The following HAUS3 variants were observed in gnomAD, a reference collection of about 807,000 sequenced individuals.
The protein encoded by HAUS3 is HAUS augmin like complex subunit 3.
A neutral mutation model predicts 55.2 loss-of-function variants in HAUS3; 36 were observed. The ratio of observed to expected loss-of-function variants is 0.65; its 90% CI spans 0.50 to 0.86. HAUS3 has a LOEUF of 0.86. Among genes scored for constraint, HAUS3 ranks in the 40% least tolerant of loss-of-function variants. The pLI, the probability that HAUS3 is intolerant of heterozygous loss-of-function variation, is 0.00. For synonymous variants in HAUS3, 234 were observed against 238.6 expected, an observed-to-expected ratio of 0.98 and a Z score of 0.18; for missense variants, 752 against 671.5, an observed-to-expected ratio of 1.12 and a Z score of -1.33.
In HAUS3 at chr4:2,231,871, C is replaced by T; in HGVS notation, c.*56G>A. 1 of 760,266 alleles carries T rather than the reference C, an allele frequency of 1.3e-6. No individual in the cohort carries two copies. Among genetic ancestry groups the T allele is most frequent in the Non-Finnish European group, 2.2e-6 (1 of 455,954 alleles). The allele number at this position is 760,266 out of a possible 1,614,324, so 47.1% of individuals were successfully genotyped here. A position where few individuals can be genotyped will look rare whatever the true frequency, so the allele number is the denominator to read the frequency against. On this transcript the variant is annotated 3_prime_UTR_variant, in exon 6 of 6. Transcript: ENST00000443786. ...AAAATTTAGTAGTGTTTATTATACA[C>T]AGTCTTCTAATAAATAAAAGAGGAC...
rs886606702 is a variant in HAUS3 at position 2,231,892 on chromosome 4, A to C, written c.*35T>G. 1 of 891,920 alleles carries C rather than the reference A, an allele frequency of 1.1e-6. No individual in the cohort carries two copies. The highest frequency in any genetic ancestry group is 1.8e-6 in the Non-Finnish European group (1 of 563,988). The allele number at this position is 891,920 out of a possible 1,614,324, so 55.3% of individuals were successfully genotyped here. On this transcript the variant is annotated 3_prime_UTR_variant, in exon 6 of 6. Coordinates refer to ENST00000443786, the MANE Select transcript of HAUS3 (RefSeq NM_001303143.2). ...TACACAGTCTTCTAATAAATAAAAG[A>C]GGACACGTAATAAAGATTCAGTTTT...
chr4:2,233,637 C>T (rs1033268122), intron 5 of HAUS3, among the ~76,000 whole-genome samples: 1 of 152,132 alleles, frequency 6.6e-6, no homozygotes, highest in Non-Finnish European at 1.5e-5. Context: ...TAGAACTACC[C>T]TAACCATTTA....
chr4:2,237,903 T>A (rs939961369), intron 4 of HAUS3, among the ~76,000 whole-genome samples: 1 of 152,162 alleles, frequency 6.6e-6, no homozygotes, highest in Non-Finnish European at 1.5e-5. Flanking sequence ...GTCTTATAGA[T>A]GTAACTACAC....
chr4:2,240,498 T>C lies in HAUS3; in HGVS notation c.449A>G (p.Gln150Arg). The change falls in exon 3 of 6, where the codon CAG (glutamine) becomes CGG (arginine). Residue 150 changes from glutamine to arginine, a missense_variant. By Grantham distance (43) the Gln-to-Arg change is conservative. Transcript: ENST00000443786. ...KEEEATKKLK[Q>R]SQGILNAMIT... ...CATTGCATTTAGAATTCCTTGACTC[T>C]GCTTCAGCTTTTTAGTGGCTTCTTC... 1 of 1,613,938 alleles carries C rather than the reference T, an allele frequency of 6.2e-7. No homozygotes were observed. Among genetic ancestry groups the C allele is most frequent in the Non-Finnish European group, 8.5e-7 (1 of 1,179,982 alleles).
chr4:2,239,280 A>C (rs541808907), intron 3 of HAUS3, among the ~76,000 whole-genome samples: 1 of 152,314 alleles, frequency 6.6e-6, no homozygotes, highest in African/African-American at 2.4e-5. Flanking sequence ...CGGCTACCAA[A>C]ATAGAGATCT....
At chr4:2,234,068 A>C (rs1028440887) in intron 5 of HAUS3, among the ~76,000 whole-genome samples, 2 of 152,250 alleles carry the variant, frequency 1.3e-5, no homozygotes, top group Non-Finnish European at 1.5e-5. Flanking sequence ...AAAAAAAAGA[A>C]GACTATCAAA....
At chr4:2,239,625 G>C (rs933843270) in intron 3 of HAUS3, among the ~76,000 whole-genome samples, 2 of 152,158 alleles carry the variant, frequency 1.3e-5, no homozygotes, top group Admixed American at 1.3e-4. Context: ...ATCAGTTTCA[G>C]TCTACTGAAC....
chr4:2,234,699 A>G (rs1734696493), intron 5 of HAUS3, among the ~76,000 whole-genome samples: 1 of 152,244 alleles, frequency 6.6e-6, no homozygotes, highest in African/African-American at 2.4e-5. Context: ...AGGAATATTA[A>G]TATTAGACAA....
rs908376039 is a variant in HAUS3 at position 2,239,996 on chromosome 4, C to G, written c.909+42G>C. 4 of 1,475,620 alleles carry G rather than the reference C, an allele frequency of 2.7e-6. No individual in the cohort carries two copies. The African/African-American group carries it at 5.6e-5, about 21-fold the overall frequency. 91.4% of individuals were successfully genotyped at this position (1,475,620 alleles called of 1,614,324 possible). On this transcript the variant is annotated intron_variant, in intron 3 of 5. Transcript: ENST00000443786. ...GCAATATTATCTCCTCTATTCCTAA[C>G]AATAATTACAATGTGAATCCAATCT...
Position 2,230,185 on chromosome 4 carries a change from C to T in HAUS3, c.*1742G>A, listed in dbSNP as rs1734531600. The T allele has an allele frequency of 6.6e-6, 1 of 152,376 alleles. No individual in the cohort carries two copies. The highest frequency in any genetic ancestry group is 1.5e-5 in the Non-Finnish European group (1 of 68,196). The allele number at this position is 152,376 out of a possible 1,614,324, so 9.4% of individuals were successfully genotyped here. ...TGGTGCACGCCTACAATCCCATCTA[C>T]TCAGGAGGCTGAAGCAGGAGAATCA... On this transcript the variant is annotated 3_prime_UTR_variant, in exon 6 of 6. Transcript: ENST00000443786.
chr4:2,239,670 T>A (rs1212957899), intron 3 of HAUS3, among the ~76,000 whole-genome samples: 1 of 152,222 alleles, frequency 6.6e-6, no homozygotes, highest in East Asian at 1.9e-4. Flanking sequence ...TATGCTCTGG[T>A]TGGAGCAAAC....
chr4:2,240,188 T>C lies in HAUS3; in HGVS notation c.759A>G (p.Glu253=). Residue 253 remains glutamate (E), a synonymous_variant, in exon 3 of 6, where the codon GAA becomes GAG. Coordinates refer to ENST00000443786, the MANE Select transcript of HAUS3 (RefSeq NM_001303143.2). ...TCTCTAGTCGTCTCTCCTCAAGGAT[T>C]TCTTGATTATCACAAATAGATGGTG... ...IQTPSICDNQ[E]ILEERRLEMA... The C allele has an allele frequency of 6.2e-7, 1 of 1,614,094 alleles. No individual in the cohort carries two copies. The highest frequency in any genetic ancestry group is 8.5e-7 in the Non-Finnish European group (1 of 1,179,974).
chr4:2,229,146 T>C lies in HAUS3; in HGVS notation c.*2781A>G. On this transcript the variant is annotated 3_prime_UTR_variant, in exon 6 of 6. Coordinates refer to ENST00000443786, the MANE Select transcript of HAUS3 (RefSeq NM_001303143.2). The stretch of plus-strand genomic sequence containing the variant: ...CTTAGAATCCACTAAATCACCTGAA[T>C]GCATAGCAGACATAATCTTCTGAGC... 1.2e-6 allele frequency: 2 copies of C among 1,611,262 alleles called. No individual in the cohort carries two copies. The highest frequency in any genetic ancestry group is 8.5e-7 in the Non-Finnish European group (1 of 1,177,450).
At chr4:2,233,399 T>C (rs1208856047) in intron 5 of HAUS3, among the ~76,000 whole-genome samples, 2 of 152,058 alleles carry the variant, frequency 1.3e-5, no homozygotes, top group Non-Finnish European at 2.9e-5. Context: ...CTGATAAGAT[T>C]AGAGTGAGAT....
rs1734768126 is a variant in HAUS3 at position 2,236,412 on chromosome 4, A to G, written c.1394T>C (p.Phe465Ser). The G allele has an allele frequency of 6.2e-7, 1 of 1,613,598 alleles. No homozygotes were observed. Among genetic ancestry groups the G allele is most frequent in the Non-Finnish European group, 8.5e-7 (1 of 1,179,648 alleles). Residue 465 changes from phenylalanine (F) to serine (S), a missense_variant, in exon 5 of 6, where the codon TTT (phenylalanine) becomes TCT (serine). Coordinates refer to ENST00000443786, the MANE Select transcript of HAUS3 (RefSeq NM_001303143.2). ...LEGENKKKELFLTHGNLEEVA... is the reference protein window; with the variant it reads ...LEGENKKKELSLTHGNLEEVA... ...TTCCTCAAGGTTTCCATGAGTTAGA[A>G]ACAATTCTTTTTTCTTATTCTCTCC...
rs1313491994 is a variant in HAUS3 at position 2,228,373 on chromosome 4, T to TA, written c.*3553dup. ...CTTTTTTTTTTTTTTTTTTTTGAGA[T>TA]AGAGTCTCACTCTGTCGCCCACGCT... is the stretch of plus-strand genomic sequence containing the variant. On this transcript the variant is annotated 3_prime_UTR_variant, in exon 6 of 6. Coordinates refer to ENST00000443786, the MANE Select transcript of HAUS3 (RefSeq NM_001303143.2). The TA allele has an allele frequency of 2.2e-5, 5 of 228,256 alleles. No homozygotes were observed. Among genetic ancestry groups the TA allele is most frequent in the African/African-American group, 1.2e-4 (5 of 40,406 alleles). 14.1% of individuals were successfully genotyped at this position (228,256 alleles called of 1,614,324 possible).
At position 2,232,123 on chromosome 4, in the gene HAUS3, A is replaced by G; in HGVS notation, c.1616T>C (p.Leu539Pro). 2.5e-6 allele frequency: 4 copies of G among 1,584,910 alleles called. No individual in the cohort carries two copies. Among genetic ancestry groups the G allele is most frequent in the Non-Finnish European group, 2.6e-6 (3 of 1,169,740 alleles). The change falls in exon 6 of 6, where the codon CTG becomes CCG. Residue 539 changes from leucine to proline, a missense_variant. By Grantham distance (98) the Leu-to-Pro change is moderately conservative (BLOSUM62 -3). Transcript: ENST00000443786. ...AGTGAGGAGATGATTTAGCTTATTC[A>G]GTTGAGATTCAACTTTATGAAACTG... is the stretch of plus-strand genomic sequence containing the variant. ...TEQFHKVESQ[L>P]NKLNHLLTDI... is the part of the protein sequence containing the mutation.
In HAUS3 at chr4:2,232,744, C is replaced by T. The variant is rs147780101; in HGVS notation, c.1579-584G>A. ...CAAGAATCTAGCCATGCCGACCCTT[C>T]ATATTTATTACAGTAAATTCAAATT... On this transcript the variant is annotated intron_variant, in intron 5 of 5. Transcript: ENST00000443786. 6.6e-3 allele frequency among the ~76,000 whole-genome samples: 1,000 copies of T among 152,296 alleles called. 6 individuals carry two copies. Among genetic ancestry groups the T allele is most frequent in the Admixed American group, 0.017 (264 of 15,302 alleles).
chr4:2,233,866 G>T (rs952922679), intron 5 of HAUS3, among the ~76,000 whole-genome samples: 3 of 152,096 alleles, frequency 2.0e-5, no homozygotes, highest in African/African-American at 7.2e-5. Flanking sequence ...CACTTATATA[G>T]TGCTGGTAGC....
Sources: gnomAD v4.1 joint callset for allele counts (sites outside exome capture counted in the v4.1 genomes callset) on GRCh38, gnomAD v4.1.1 for gene constraint, MANE v1.5 for transcripts, NCBI Gene and HGNC (gene_info 2026-07-23, HGNC 2026-07-21) for gene names.